The following GLDN variants were observed in gnomAD, a reference collection of about 807,000 sequenced individuals.
GLDN encodes the protein gliomedin.
Under a neutral mutation model 56.5 loss-of-function variants are expected in GLDN, and 47 were observed. The observed-to-expected ratio is 0.83, with a 90% CI of 0.66 to 1.06. The LOEUF is 1.06. GLDN is among the 50% of genes least tolerant of loss of function. The pLI is 0.00. For synonymous variants in GLDN, 332 were observed against 278.8 expected (o/e 1.19, Z -1.90); for missense variants, 782 against 714.3 (o/e 1.09, Z -1.08).
At chr15:51,386,342 G>T (rs2037892647) in intron 4 of GLDN, among the ~76,000 whole-genome samples, 1 of 152,118 alleles carries the variant, frequency 6.6e-6, no homozygotes, top group Non-Finnish European at 1.5e-5. Context: ...CACTTCATGG[G>T]CCAGCTCAGG....
intron 4 of GLDN, chr15:51,384,124 A>G: frequency 1.9e-6 from 1 of 530,660 alleles, no homozygotes. Flanking sequence ...CTGGGAACTG[A>G]CTCGCACCCT....
chr15:51,400,610 G>C, intron 8 of GLDN, 112 bp downstream of exon 8: 1 of 1,138,326 alleles, frequency 8.8e-7, no homozygotes, highest in Non-Finnish European at 1.3e-6. Context: ...GGTAGCTGGT[G>C]TAATAAATGT....
chr15:51,412,527 C>T (rs373526516), downstream of GLDN, among the ~76,000 whole-genome samples: 85 of 152,270 alleles, frequency 5.6e-4, no homozygotes, highest in Non-Finnish European at 1.1e-3. Context: ...TATCCCCCAA[C>T]TTGTGCTCTG....
chr15:51,382,592 G>T (rs986179546), intron 2 of GLDN, among the ~76,000 whole-genome samples: 4 of 151,774 alleles, frequency 2.6e-5, no homozygotes, highest in Admixed American at 2.6e-4. Context: ...CGGGCGTGGT[G>T]GCGGGTGCCT....
intron 1 of GLDN, among the ~76,000 whole-genome samples, chr15:51,344,432 C>G (rs899952790): frequency 1.3e-5 from 2 of 152,224 alleles, no homozygotes; most frequent in East Asian, 1.9e-4. Flanking sequence ...CACAGTTTTC[C>G]TCATCTTTAC....
chr15:51,360,873 T>A (rs1417583419), intron 1 of GLDN, among the ~76,000 whole-genome samples: 1 of 152,166 alleles, frequency 6.6e-6, no homozygotes, highest in African/African-American at 2.4e-5. Context: ...AGGAAGTAGG[T>A]TGAGAAAACA....
At chr15:51,342,569 T>C (rs983497672) in intron 1 of GLDN, among the ~76,000 whole-genome samples, 1 of 152,188 alleles carries the variant, frequency 6.6e-6, no homozygotes, top group Non-Finnish European at 1.5e-5. Context: ...GGCCTAATTG[T>C]TTCCGTTTAA....
chr15:51,394,172 T>G (rs1056865597), intron 4 of GLDN, among the ~76,000 whole-genome samples: 1 of 152,224 alleles, frequency 6.6e-6, no homozygotes, highest in African/African-American at 2.4e-5. Flanking sequence ...ACACTCACTA[T>G]TATGGCAGCA....
chr15:51,376,613 A>T (rs575125186), intron 1 of GLDN, among the ~76,000 whole-genome samples: 40 of 152,340 alleles, frequency 2.6e-4, no homozygotes, highest in African/African-American at 8.9e-4. Flanking sequence ...AATGTCTTTT[A>T]CTTTTTGACT....
At chr15:51,353,435 C>G (rs1162995028) in intron 1 of GLDN, among the ~76,000 whole-genome samples, 1 of 152,112 alleles carries the variant, frequency 6.6e-6, no homozygotes, top group African/African-American at 2.4e-5. Context: ...GGTAGTTATG[C>G]CTCTGCGTGA....
intron 2 of GLDN, among the ~76,000 whole-genome samples, chr15:51,381,999 C>T (rs2037773047): frequency 6.6e-6 from 1 of 152,186 alleles, no homozygotes; most frequent in Non-Finnish European, 1.5e-5. Flanking sequence ...GCTTCTGCCA[C>T]CCACCATACC....
intron 5 of GLDN, among the ~76,000 whole-genome samples, 170 bp from the exon 6 acceptor site, chr15:51,397,300 C>T (rs1327000749): frequency 6.6e-6 from 1 of 151,802 alleles, no homozygotes; most frequent in Non-Finnish European, 1.5e-5. Flanking sequence ...CCCACCCTCT[C>T]TCCCTTCTTC....
At position 51,400,458 on chromosome 15, in the gene GLDN, CAA is replaced by C; in HGVS notation, c.988_989del (p.Lys330GlufsTer2). The C allele has an allele frequency of 6.2e-7, 1 of 1,614,142 alleles. No individual in the cohort carries two copies. Among genetic ancestry groups the C allele is most frequent in the Non-Finnish European group, 8.5e-7 (1 of 1,180,008 alleles). On this transcript the variant is annotated frameshift_variant, in exon 8 of 10. Transcript: ENST00000335449. LOFTEE classifies it high-confidence loss of function. ...FGTWIRESAN[K>X]SDDRIWVTEH... The stretch of plus-strand genomic sequence containing the variant: ...GGACTTGGATAAGAGAGTCTGCTAA[CAA>C]GAGTGATGACCGGATTTGGGTGACA...
At chr15:51,346,927 A>G (rs2036988330) in intron 1 of GLDN, among the ~76,000 whole-genome samples, 3 of 152,092 alleles carry the variant, frequency 2.0e-5, no homozygotes, top group South Asian at 2.1e-4. Context: ...TTAGCCAGGC[A>G]TGATGGTGAG....
At chr15:51,400,110 G>A in intron 6 of GLDN, 82 bp from the exon 7 acceptor site, 2 of 1,157,520 alleles carry the variant, frequency 1.7e-6, no homozygotes, top group East Asian at 2.4e-5. Context: ...GGAATGAGGT[G>A]GGGAAGAGCA....
At chr15:51,360,503 C>A (rs1171688328) in intron 1 of GLDN, 1 of 152,292 alleles carries the variant, frequency 6.6e-6, no homozygotes, top group African/African-American at 2.4e-5. Context: ...GGGGCAGGCA[C>A]CAACCCATGC....
In GLDN at chr15:51,354,715, G is replaced by A. The variant is rs1455500222; in HGVS notation, c.363+12668G>A. Among the ~76,000 whole-genome samples the A allele has an allele frequency of 2.0e-5, 3 of 152,284 alleles. No individual in the cohort carries two copies. The East Asian group carries it at 5.8e-4, about 29-fold the overall frequency. ...GGAGAAGGGAACTAAGGTTGGCTGG[G>A]TTAGAGAGAGGCTTGAATTTCTACT... On this transcript the variant is annotated intron_variant, in intron 1 of 9. Coordinates refer to ENST00000335449, the MANE Select transcript of GLDN (RefSeq NM_181789.4).
At position 51,367,139 on chromosome 15, in the gene GLDN, C is replaced by T. The variant is rs146669410; in HGVS notation, c.364-10310C>T. On this transcript the variant is annotated intron_variant, in intron 1 of 9. Coordinates refer to ENST00000335449, the MANE Select transcript of GLDN (RefSeq NM_181789.4). ...TAAGAAGAACCTCCTAGGCCATCTG[C>T]GGCCTCTGCTGGCTTATCCAGCCTT... Among the ~76,000 whole-genome samples the T allele has an allele frequency of 4.9e-3, 747 of 152,288 alleles. 2 individuals are homozygous for T. The highest frequency in any genetic ancestry group is 8.1e-3 in the Non-Finnish European group (550 of 68,024).
chr15:51,348,258 G>A (rs74016721), intron 1 of GLDN, among the ~76,000 whole-genome samples: 13,206 of 152,098 alleles, frequency 0.087, 1,968 homozygotes, highest in African/African-American at 0.3. Flanking sequence ...TACAAGAACC[G>A]GAGCCTCCTG....
Sources: gnomAD v4.1 joint callset for allele counts (sites outside exome capture counted in the v4.1 genomes callset) on GRCh38, gnomAD v4.1.1 for gene constraint, MANE v1.5 for transcripts, NCBI Gene and HGNC (gene_info 2026-07-23, HGNC 2026-07-21) for gene names.